Variants in XPO4 observed in about 807,000 individuals in gnomAD.
XPO4 encodes exportin-4.
In XPO4, 39 loss-of-function variants were observed where a neutral mutation model predicts 143.0. The ratio of observed to expected loss-of-function variants is 0.27; its 90% CI spans 0.21 to 0.36. The LOEUF (loss-of-function observed/expected upper bound fraction) is 0.36. XPO4 is among the 10% of genes least tolerant of loss of function. XPO4 has a pLI of 1.00. For synonymous variants in XPO4, 439 were observed against 474.0 expected, an observed-to-expected ratio of 0.93 and a Z score of 0.96; for missense variants, 907 against 1,348.0, an observed-to-expected ratio of 0.67 and a Z score of 5.12.
Position 20,892,896 on chromosome 13 carries a change from A to T in XPO4, c.69+9774T>A, listed in dbSNP as rs564086455. Among the ~76,000 whole-genome samples, 516 of 151,862 alleles carry T rather than the reference A, an allele frequency of 3.4e-3. 2 individuals carry two copies. Among genetic ancestry groups the T allele is most frequent in the Non-Finnish European group, 5.8e-3 (391 of 67,878 alleles). Reference sequence around the variant, plus strand: ...ACTCCAAAAAGTAAAAAATAAAAAAAAAAAAATAAAAGAACTACACTGTTA... The same window carrying T: ...ACTCCAAAAAGTAAAAAATAAAAAATAAAAAATAAAAGAACTACACTGTTA... On this transcript the variant is annotated intron_variant, in intron 1 of 22. Coordinates refer to ENST00000255305, the MANE Select transcript of XPO4 (RefSeq NM_022459.5).
chr13:20,789,892 T>TA (rs927296470), intron 19 of XPO4, among the ~76,000 whole-genome samples: 1 of 151,832 alleles, frequency 6.6e-6, no homozygotes, highest in Non-Finnish European at 1.5e-5. Context: ...CTGTGGTACT[T>TA]ACGGATGGTA....
chr13:20,821,947 C>A, intron 8 of XPO4, 69 bp from the exon 9 acceptor site: 1 of 1,452,332 alleles, frequency 6.9e-7, no homozygotes, highest in Non-Finnish European at 9.3e-7. Flanking sequence ...AACTCATTTC[C>A]AAACAAGCAA....
Position 20,842,935 on chromosome 13 carries a change from G to A in XPO4, c.687C>T (p.Leu229=), listed in dbSNP as rs201600464. Residue 229 remains leucine, a synonymous_variant, in exon 6 of 23, where the codon CTC becomes CTT. Coordinates refer to ENST00000255305, the MANE Select transcript of XPO4 (RefSeq NM_022459.5). The part of the protein sequence containing the change: ...MSSVFQRYLA[L]ANQVLSWNFL... ...AGTTCCAGCTCAAGACTTGATTGGC[G>A]AGTGCAAGGTAACGCTGAAATACTG... 4.4e-5 allele frequency: 71 copies of A among 1,612,290 alleles called. No homozygotes were observed. In the African/African-American group the frequency reaches 7.6e-4, roughly 17 times the overall value.
intron 4 of XPO4, chr13:20,851,508 A>G: frequency 2.3e-6 from 2 of 874,218 alleles, no homozygotes; most frequent in Non-Finnish European, 2.7e-6. Context: ...TGGAAGTTTG[A>G]GACCAGCTTG....
At chr13:20,877,689 C>A (rs2060366376) in intron 1 of XPO4, among the ~76,000 whole-genome samples, 1 of 152,168 alleles carries the variant, frequency 6.6e-6, no homozygotes, top group Admixed American at 6.5e-5. Context: ...TTAAAAAACA[C>A]TGTAATTTTA....
At chr13:20,888,184 A>AG (rs2060478355) in intron 1 of XPO4, among the ~76,000 whole-genome samples, 1 of 151,780 alleles carries the variant, frequency 6.6e-6, no homozygotes, top group African/African-American at 2.4e-5. Context: ...TCAAAAAAAA[A>AG]AAAAAAAAAG....
intron 9 of XPO4, among the ~76,000 whole-genome samples, chr13:20,813,517 G>A (rs2059609493): frequency 6.6e-6 from 1 of 152,176 alleles, no homozygotes; most frequent in African/African-American, 2.4e-5. Flanking sequence ...GGCAGTAAAT[G>A]TTGGTGAGAA....
At chr13:20,877,625 T>C (rs1371563862) in intron 1 of XPO4, among the ~76,000 whole-genome samples, 1 of 152,188 alleles carries the variant, frequency 6.6e-6, no homozygotes, top group Non-Finnish European at 1.5e-5. Flanking sequence ...TTCATATACA[T>C]ATATATCTAT....
At chr13:20,800,376 G>GAA (rs376749222) in intron 14 of XPO4, 51 bp from the exon 15 acceptor site, 235 of 1,304,208 alleles carry the variant, frequency 1.8e-4, no homozygotes, top group Middle Eastern at 6.1e-4. Context: ...ATCAACTCAA[G>GAA]AAAAAAAAAA....
At chr13:20,885,791 A>G (rs991864335) in intron 1 of XPO4, among the ~76,000 whole-genome samples, 1 of 149,550 alleles carries the variant, frequency 6.7e-6, no homozygotes, top group Admixed American at 6.8e-5. Flanking sequence ...AATTTTTAAA[A>G]TAACAATGAA....
rs2059722724 is a variant in XPO4, at chr13:20,821,765, AAGG to A, written c.1109_1111del (p.Ser370del). 1 of 1,613,992 alleles carries A rather than the reference AAGG, an allele frequency of 6.2e-7. No homozygotes were observed. Among genetic ancestry groups the A allele is most frequent in the Non-Finnish European group, 8.5e-7 (1 of 1,179,978 alleles). Reference sequence around the variant, plus strand: ...AGTGAGGTGTGTGAGGCAGTTAACAAAGGAGGAGAAAAGTTCACTTGGAATGGC... The same window carrying A: ...AGTGAGGTGTGTGAGGCAGTTAACAAAGGAGAAAAGTTCACTTGGAATGGC... On this transcript the variant is annotated inframe_deletion, in exon 9 of 23. Coordinates refer to ENST00000255305, the MANE Select transcript of XPO4 (RefSeq NM_022459.5).
At chr13:20,885,310 T>C (rs534125737) in intron 1 of XPO4, among the ~76,000 whole-genome samples, 17 of 152,168 alleles carry the variant, frequency 1.1e-4, no homozygotes, top group Non-Finnish European at 1.5e-4. Context: ...AATATACATA[T>C]TATCTTTGGA....
intron 7 of XPO4, among the ~76,000 whole-genome samples, chr13:20,825,202 G>A (rs2059769659): frequency 6.6e-6 from 1 of 152,068 alleles, no homozygotes; most frequent in African/African-American, 2.4e-5. Flanking sequence ...CAAGAAGTTT[G>A]TAAACTTCTA....
chr13:20,784,536 G>C (rs2059176846), intron 22 of XPO4, among the ~76,000 whole-genome samples: 1 of 152,146 alleles, frequency 6.6e-6, no homozygotes, highest in Admixed American at 6.5e-5. Flanking sequence ...AGTAAATATA[G>C]GAATATGGGA....
intron 1 of XPO4, among the ~76,000 whole-genome samples, chr13:20,869,234 GA>G (rs1352131697): frequency 6.6e-6 from 1 of 152,090 alleles, no homozygotes; most frequent in Non-Finnish European, 1.5e-5. Flanking sequence ...TGGAATTTAT[GA>G]AATGTATTTC....
chr13:20,842,775 A>C, intron 6 of XPO4, 120 bp downstream of exon 6: 1 of 938,022 alleles, frequency 1.1e-6, no homozygotes, highest in Non-Finnish European at 1.5e-6. Flanking sequence ...ATTTCTTAAA[A>C]AAAATCTTAT....
At chr13:20,880,784 C>A (rs1201885855) in intron 1 of XPO4, among the ~76,000 whole-genome samples, 2 of 151,976 alleles carry the variant, frequency 1.3e-5, no homozygotes, top group Admixed American at 6.6e-5. Flanking sequence ...TGGTGAAACC[C>A]CATCTCTACG....
rs565653071 is a variant in XPO4 at position 20,796,850 on chromosome 13, C to T, written c.2530G>A (p.Val844Ile). ...FLTNCIGLME[V>I]YKNTPETVNL... Reference sequence around the variant, plus strand: ...ACAGTCTCTGGGGTATTCTTGTAAACTTCCATCAATCCAATGCAATTGGTA... The same window carrying T: ...ACAGTCTCTGGGGTATTCTTGTAAATTTCCATCAATCCAATGCAATTGGTA... Residue 844 changes from valine (V) to isoleucine (I), a missense_variant, in exon 17 of 23, where the codon GTT becomes ATT. Physicochemically the swap from Val to Ile is conservative, Grantham distance 29. Transcript: ENST00000255305. 3 of 1,614,064 alleles carry T rather than the reference C, an allele frequency of 1.9e-6. No individual in the cohort carries two copies. The highest frequency in any genetic ancestry group is 2.5e-6 in the Non-Finnish European group (3 of 1,179,992).
chr13:20,850,988 A>AAGTC (rs2060079228), intron 4 of XPO4: 1 of 985,176 alleles, frequency 1.0e-6, no homozygotes, highest in African/African-American at 1.7e-5. Flanking sequence ...TCTCTCTTAA[A>AAGTC]AGTCACCTTT....
Sources: allele counts gnomAD v4.1 joint callset (sites outside exome capture counted in the v4.1 genomes callset), GRCh38; gene constraint gnomAD v4.1.1; transcripts MANE v1.5; gene names NCBI Gene and HGNC (gene_info 2026-07-23, HGNC 2026-07-21).